Variants in XRCC4 observed in about 807,000 individuals in gnomAD.
XRCC4 encodes X-ray repair cross complementing 4, also known as DNA repair protein XRCC4.
XRCC4 carries 28 observed loss-of-function variants against 39.1 expected under a neutral mutation model. That is an observed-to-expected ratio of 0.72 (90% CI 0.53 to 0.98). XRCC4 has a LOEUF of 0.98. XRCC4 is among the 50% of genes least tolerant of loss of function. The pLI is 0.00. For synonymous variants in XRCC4, 123 were observed against 126.4 expected, an observed-to-expected ratio of 0.97 and a Z score of 0.18; for missense variants, 350 against 376.4, an observed-to-expected ratio of 0.93 and a Z score of 0.58.
intron 1 of XRCC4, among the ~76,000 whole-genome samples, chr5:83,099,287 C>G (rs76865449): frequency 0.039 from 5,941 of 151,996 alleles, 348 homozygotes; most frequent in African/African-American, 0.13. Context: ...ACACCTGCAG[C>G]CCAAGCAGCT....
At position 83,111,162 on chromosome 5, in the gene XRCC4, T is replaced by A. The variant is rs1049631686; in HGVS notation, c.274T>A (p.Ser92Thr). 6.3e-7 allele frequency: 1 copy of A among 1,594,714 alleles called. No homozygotes were observed. The highest frequency in any genetic ancestry group is 8.5e-7 in the Non-Finnish European group (1 of 1,174,162). Residue 92 changes from serine (S) to threonine (T), a missense_variant, in exon 3 of 8, where the codon TCT (serine) becomes ACT (threonine). By Grantham distance (58) the Ser-to-Thr change is moderately conservative (BLOSUM62 1). Coordinates refer to ENST00000396027, the MANE Select transcript of XRCC4 (RefSeq NM_003401.5). ...ATACACGTTTAATTTTTCTAAAGAG[T>A]CTTGTTATTTCTTCTTTGAGAAAAA... ...DVYTFNFSKE[S>T]CYFFFEKNLK...
intron 3 of XRCC4, among the ~76,000 whole-genome samples, chr5:83,193,009 C>T (rs1375670750): frequency 6.6e-6 from 1 of 152,118 alleles, no homozygotes; most frequent in Non-Finnish European, 1.5e-5. Flanking sequence ...AATTTTCTGG[C>T]GTTAAAATGA....
chr5:83,182,447 AAACT>A (rs1397791764), intron 3 of XRCC4, among the ~76,000 whole-genome samples: 6 of 152,232 alleles, frequency 3.9e-5, no homozygotes, highest in African/African-American at 1.2e-4. Context: ...CTAATTTATT[AAACT>A]AACTGTCACC....
At chr5:83,259,730 A>G (rs1753684057) in intron 7 of XRCC4, among the ~76,000 whole-genome samples, 1 of 152,116 alleles carries the variant, frequency 6.6e-6, no homozygotes, top group South Asian at 2.1e-4. Context: ...AAATGAATTA[A>G]TGAATCTGTT....
At chr5:83,351,004 T>C (rs773570011) in intron 7 of XRCC4, among the ~76,000 whole-genome samples, 39 of 152,184 alleles carry the variant, frequency 2.6e-4, no homozygotes, top group Non-Finnish European at 5.9e-5. Flanking sequence ...TCATGTCTAA[T>C]TGTAATCCTC....
chr5:83,275,866 G>A (rs900337726), intron 7 of XRCC4, among the ~76,000 whole-genome samples: 11 of 152,312 alleles, frequency 7.2e-5, no homozygotes, highest in Middle Eastern at 3.4e-3. Context: ...TTACATGCAT[G>A]ATTCTTTAAT....
the XRCC4 span, among the ~76,000 whole-genome samples, chr5:83,363,039 G>A: frequency 6.6e-6 from 1 of 152,156 alleles, no homozygotes; most frequent in African/African-American, 2.4e-5. Context: ...AAGGAAGGAG[G>A]CAGACGTGTA....
At chr5:83,167,033 C>A (rs1280855258) in intron 3 of XRCC4, among the ~76,000 whole-genome samples, 1 of 151,690 alleles carries the variant, frequency 6.6e-6, no homozygotes, top group East Asian at 2.0e-4. Context: ...AGGCACACAC[C>A]ACCATGCCTG....
At chr5:83,112,604 C>A (rs1580234849) in intron 3 of XRCC4, among the ~76,000 whole-genome samples, 1 of 152,014 alleles carries the variant, frequency 6.6e-6, no homozygotes, top group Non-Finnish European at 1.5e-5. Context: ...AAAGACATAC[C>A]CAAGGCTGGG....
chr5:83,127,624 T>A (rs756203493), intron 3 of XRCC4, among the ~76,000 whole-genome samples: 10 of 152,074 alleles, frequency 6.6e-5, no homozygotes, highest in Non-Finnish European at 8.8e-5. Context: ...AACGGACTAA[T>A]ACCATCCCCA....
chr5:83,249,921 T>C (rs1753245514), intron 6 of XRCC4, among the ~76,000 whole-genome samples: 1 of 152,196 alleles, frequency 6.6e-6, no homozygotes, highest in Non-Finnish European at 1.5e-5. Flanking sequence ...TTTTATTTAT[T>C]TTGTCTAATT....
intron 6 of XRCC4, among the ~76,000 whole-genome samples, chr5:83,218,225 C>T (rs921530578): frequency 9.5e-6 from 1 of 105,506 alleles, no homozygotes; most frequent in Non-Finnish European, 1.7e-5. Context: ...CCCCTCCCCC[C>T]ACCCCACAAC....
chr5:83,271,157 A>G (rs1011144798), intron 7 of XRCC4, among the ~76,000 whole-genome samples: 1 of 152,148 alleles, frequency 6.6e-6, no homozygotes, highest in African/African-American at 2.4e-5. Context: ...ATATTATTTT[A>G]CTTAATTGCT....
At chr5:83,217,563 T>G (rs1751912793) in intron 6 of XRCC4, among the ~76,000 whole-genome samples, 1 of 152,128 alleles carries the variant, frequency 6.6e-6, no homozygotes, top group African/African-American at 2.4e-5. Flanking sequence ...GATAAATCCC[T>G]AATATTTTCA....
At chr5:83,129,488 A>T (rs1747451508) in intron 3 of XRCC4, among the ~76,000 whole-genome samples, 1 of 152,088 alleles carries the variant, frequency 6.6e-6, no homozygotes, top group Admixed American at 6.6e-5. Context: ...TGAACTTTAA[A>T]GTAGTTTTTT....
At chr5:83,247,569 A>C (rs182369781) in intron 6 of XRCC4, among the ~76,000 whole-genome samples, 2 of 152,334 alleles carry the variant, frequency 1.3e-5, no homozygotes, top group African/African-American at 4.8e-5. Context: ...CCAAGGAAGC[A>C]TCAGAGGAAC....
chr5:83,303,102 A>C (rs562497184), intron 7 of XRCC4, among the ~76,000 whole-genome samples: 3 of 151,948 alleles, frequency 2.0e-5, no homozygotes, highest in African/African-American at 7.2e-5. Flanking sequence ...AGTCCCAGCT[A>C]CTTGGGAGGC....
At chr5:83,127,360 TG>T (rs1438397411) in intron 3 of XRCC4, among the ~76,000 whole-genome samples, 2 of 152,112 alleles carry the variant, frequency 1.3e-5, no homozygotes, top group Non-Finnish European at 2.9e-5. Context: ...AATTGAATTA[TG>T]GGGGCAGTTT....
chr5:83,223,964 G>A (rs1752192199), intron 6 of XRCC4, among the ~76,000 whole-genome samples: 1 of 151,120 alleles, frequency 6.6e-6, no homozygotes, highest in Non-Finnish European at 1.5e-5. Context: ...CTTTTTTATG[G>A]CTGCATAGTA....
Sources: allele counts gnomAD v4.1 joint callset (sites outside exome capture counted in the v4.1 genomes callset), GRCh38; gene constraint gnomAD v4.1.1; transcripts MANE v1.5; gene names NCBI Gene and HGNC (gene_info 2026-07-23, HGNC 2026-07-21).